Variants in SV2B observed in about 807,000 individuals in gnomAD.
SV2B encodes the protein solute carrier family 22 member B2.
SV2B carries 41 observed loss-of-function variants against 73.9 expected under a neutral mutation model. The observed-to-expected ratio is 0.56, with a 90% CI of 0.43 to 0.72. The LOEUF (loss-of-function observed/expected upper bound fraction) is 0.72, where lower values mean the gene tolerates loss of function less well. Among genes scored for constraint, SV2B ranks in the 30% least tolerant of loss-of-function variants. The pLI is 0.00. For missense variants in SV2B, 764 were observed against 857.8 expected (o/e 0.89, Z 1.37); for synonymous variants, 314 against 314.2 (o/e 1.00, Z 0.01).
At chr15:91,263,523 G>A (rs924491444) in intron 6 of SV2B, among the ~76,000 whole-genome samples, 5 of 147,692 alleles carry the variant, frequency 3.4e-5, no homozygotes, top group Non-Finnish European at 7.5e-5. Context: ...TAGATGCAGA[G>A]ACACACAGAC....
chr15:91,177,364 T>G (rs1354442978), intron 1 of SV2B, among the ~76,000 whole-genome samples: 1 of 151,894 alleles, frequency 6.6e-6, no homozygotes, highest in Non-Finnish European at 1.5e-5. Context: ...AGGATTGACT[T>G]GGCGATGTGG....
Position 91,161,261 on chromosome 15 carries a change from C to A in SV2B, c.-392+60898C>A, listed in dbSNP as rs564106906. Among the ~76,000 whole-genome samples, 38 of 144,256 alleles carry A rather than the reference C, an allele frequency of 2.6e-4. No homozygotes were observed. In the East Asian group the frequency reaches 8.1e-3, roughly 31 times the overall value. The allele number at this position is 144,256 out of a possible 152,430, so 94.6% of individuals were successfully genotyped here. On this transcript the variant is annotated intron_variant, in intron 1 of 12. Coordinates refer to ENST00000394232, the MANE Select transcript of SV2B (RefSeq NM_001323032.3). ...ACTGTATAAATTTACTGAAATGTAT[C>A]AAACCATAAAACTGAAATGGGTGAA... is the stretch of plus-strand genomic sequence containing the variant.
Position 91,226,513 on chromosome 15 carries a change from A to G in SV2B, c.250A>G (p.Arg84Gly), listed in dbSNP as rs775720759. 1 of 1,614,066 alleles carries G rather than the reference A, an allele frequency of 6.2e-7. No homozygotes were observed. Among genetic ancestry groups the G allele is most frequent in the African/African-American group, 1.3e-5 (1 of 74,938 alleles). Residue 84 changes from arginine to glycine, a missense_variant, in exon 2 of 13, where the codon AGG becomes GGG. Coordinates refer to ENST00000394232, the MANE Select transcript of SV2B (RefSeq NM_001323032.3). ...LRGQTDLMAE[R>G]LEDEEQLAHQ... ...GGGCCAGACAGACCTGATGGCTGAG[A>G]GGCTGGAAGATGAGGAGCAGTTGGC...
chr15:91,133,204 C>CCA (rs1479893527), intron 1 of SV2B, among the ~76,000 whole-genome samples: 1 of 152,060 alleles, frequency 6.6e-6, no homozygotes, highest in African/African-American at 2.4e-5. Flanking sequence ...CATCTCCTGC[C>CCA]CACAGCACAG....
At chr15:91,269,616 C>G (rs1370465523) in intron 9 of SV2B, among the ~76,000 whole-genome samples, 2 of 152,202 alleles carry the variant, frequency 1.3e-5, no homozygotes, top group South Asian at 2.1e-4. Flanking sequence ...GTAGTGACTC[C>G]TGGCCACTTT....
At position 91,268,837 on chromosome 15, in the gene SV2B, T is replaced by C. The variant is rs2048198379; in HGVS notation, c.1373+232T>C. On this transcript the variant is annotated intron_variant, in intron 9 of 12. Coordinates refer to ENST00000394232, the MANE Select transcript of SV2B (RefSeq NM_001323032.3). The surrounding 1 kb of genome is among the most constrained non-coding windows in gnomAD (Gnocchi z 4.4). ...TAATCTCCTGGTGAGAGCTATTTCA[T>C]GTGAGGATGGAGACATTTGACTGAG... Among the ~76,000 whole-genome samples, 1 of 152,100 alleles carries C rather than the reference T, an allele frequency of 6.6e-6. No homozygotes were observed. Among genetic ancestry groups the C allele is most frequent in the Non-Finnish European group, 1.5e-5 (1 of 68,002 alleles).
intron 9 of SV2B, among the ~76,000 whole-genome samples, chr15:91,270,792 A>G (rs555652260): frequency 7.5e-6 from 1 of 133,354 alleles, no homozygotes; most frequent in African/African-American, 2.7e-5. Context: ...TGATGGGGGG[A>G]TGGTGAATCC....
intron 1 of SV2B, among the ~76,000 whole-genome samples, chr15:91,160,427 G>A (rs539100157): frequency 7.7e-4 from 118 of 152,266 alleles, no homozygotes; most frequent in African/African-American, 2.7e-3. Context: ...AGCCAACATA[G>A]TGAAACCCCA....
At chr15:91,112,378 C>G (rs569373908) in intron 1 of SV2B, among the ~76,000 whole-genome samples, 2 of 152,292 alleles carry the variant, frequency 1.3e-5, no homozygotes, top group Admixed American at 1.3e-4. Flanking sequence ...GTGAATTAAG[C>G]AGACCACAAG....
chr15:91,181,719 C>T (rs1269490610), intron 1 of SV2B, among the ~76,000 whole-genome samples: 1 of 151,860 alleles, frequency 6.6e-6, no homozygotes, highest in Non-Finnish European at 1.5e-5. Flanking sequence ...AGCTTGACAA[C>T]CATCATGAGG....
chr15:91,127,055 A>G (rs542317320), intron 1 of SV2B, among the ~76,000 whole-genome samples: 1 of 152,336 alleles, frequency 6.6e-6, no homozygotes, highest in Admixed American at 6.5e-5. Context: ...CTAGCTGTGT[A>G]ATTTTGGGCA....
In SV2B at chr15:91,265,821, G is replaced by A. The variant is rs539426183; in HGVS notation, c.1009-761G>A. Among the ~76,000 whole-genome samples the A allele has an allele frequency of 5.0e-4, 76 of 152,340 alleles. No individual in the cohort carries two copies. Among genetic ancestry groups the A allele is most frequent in the African/African-American group, 1.7e-3 (69 of 41,576 alleles). ...GGGAAGAGAGCCTATGCCTTTAGCA[G>A]ATTCTCAAATTCTCCCAAAAGCTTA... On this transcript the variant is annotated intron_variant, in intron 6 of 12. Transcript: ENST00000394232. This position sits in a 1 kb window ranked among gnomAD's most constrained non-coding sequence, Gnocchi z 4.2.
chr15:91,233,309 A>T (rs950346655), intron 2 of SV2B, among the ~76,000 whole-genome samples: 3 of 152,196 alleles, frequency 2.0e-5, no homozygotes, highest in Admixed American at 1.3e-4. Flanking sequence ...TTGTGAAACT[A>T]ATGAGTATAA....
chr15:91,109,875 A>G (rs893500393), intron 1 of SV2B, among the ~76,000 whole-genome samples: 2 of 152,194 alleles, frequency 1.3e-5, no homozygotes, highest in African/African-American at 4.8e-5. Context: ...AGCTGGAATT[A>G]TAGGCGTGTC....
intron 1 of SV2B, among the ~76,000 whole-genome samples, chr15:91,225,628 C>T (rs895547788): frequency 6.6e-6 from 1 of 152,106 alleles, no homozygotes; most frequent in Admixed American, 6.6e-5. Flanking sequence ...TGGTTTGCTG[C>T]ACCCATTTCA....
chr15:91,220,529 T>C lies in SV2B; in HGVS notation c.-391-5344T>C, dbSNP rs774658471. 2.0e-5 allele frequency among the ~76,000 whole-genome samples: 3 copies of C among 152,250 alleles called. No homozygotes were observed. Among genetic ancestry groups the C allele is most frequent in the Non-Finnish European group, 4.4e-5 (3 of 68,030 alleles). On this transcript the variant is annotated intron_variant, in intron 1 of 12. Transcript: ENST00000394232. This position sits in a 1 kb window ranked among gnomAD's most constrained non-coding sequence, Gnocchi z 4.1. The stretch of plus-strand genomic sequence containing the variant: ...TTTTGGGAAGCATTACATCATTTGA[T>C]TGTAATATTTTTAACTTTGTTTTCT...
At chr15:91,276,138 G>C (rs1338057555) in intron 9 of SV2B, among the ~76,000 whole-genome samples, 1 of 151,170 alleles carries the variant, frequency 6.6e-6, no homozygotes, top group Non-Finnish European at 1.5e-5. Context: ...TTTCTGATGA[G>C]AAGTCTGCTG....
At chr15:91,235,688 G>C (rs2046753150) in intron 2 of SV2B, among the ~76,000 whole-genome samples, 1 of 152,174 alleles carries the variant, frequency 6.6e-6, no homozygotes, top group Non-Finnish European at 1.5e-5. Context: ...GTGCCTTTCA[G>C]CTTATTCCAA....
intron 1 of SV2B, among the ~76,000 whole-genome samples, chr15:91,190,307 A>G (rs1019968665): frequency 6.7e-6 from 1 of 150,132 alleles, no homozygotes; most frequent in African/African-American, 2.4e-5. Flanking sequence ...AATAGTGATC[A>G]TTATACCTTT....
Sources: allele counts gnomAD v4.1 joint callset (sites outside exome capture counted in the v4.1 genomes callset), GRCh38; gene constraint gnomAD v4.1.1; non-coding constraint Gnocchi (gnomAD v3.1); transcripts MANE v1.5; gene names NCBI Gene and HGNC (gene_info 2026-07-23, HGNC 2026-07-21).